Variants in PCDHGA1 observed in about 807,000 individuals in gnomAD.
PCDHGA1 encodes protocadherin gamma subfamily A, 1, also known as protocadherin gamma-A1.
A neutral mutation model predicts 58.0 loss-of-function variants in PCDHGA1; 32 were observed. The observed-to-expected ratio is 0.55, with a 90% confidence interval of 0.42 to 0.74. The LOEUF (loss-of-function observed/expected upper bound fraction) is 0.74, where lower values mean the gene tolerates loss of function less well. PCDHGA1 is among the 30% of genes least tolerant of loss of function. The pLI is 0.00. For missense variants in PCDHGA1, 1,205 were observed against 1,182.3 expected (o/e 1.02, Z -0.28); for synonymous variants, 498 against 501.1 (o/e 0.99, Z 0.08).
In PCDHGA1 at chr5:141,383,284, A is replaced by G. The variant is rs760384498; in HGVS notation, c.2421+50179A>G. ...CGTGGAAATAATAGATATTAATGAC[A>G]ACGTTCCAAGATTCTTGACGGAAGA... On this transcript the variant is annotated intron_variant, in intron 1 of 3. Transcript: ENST00000517417. 4 of 1,613,962 alleles carry G rather than the reference A, an allele frequency of 2.5e-6. No homozygotes were observed. In the East Asian group the frequency reaches 8.9e-5, roughly 36 times the overall value.
At chr5:141,403,281 T>A in intron 1 of PCDHGA1, 1 of 1,613,908 alleles carries the variant, frequency 6.2e-7, no homozygotes, top group Non-Finnish European at 8.5e-7. Context: ...AAAGTCCTGG[T>A]TGAAGACAGA....
At chr5:141,374,626 C>A (rs748933501) in intron 1 of PCDHGA1, 10 of 1,613,108 alleles carry the variant, frequency 6.2e-6, no homozygotes, top group Non-Finnish European at 7.6e-6. Context: ...TCTCAGTGGA[C>A]GTGCAAAGCG....
In PCDHGA1 at chr5:141,351,516, T is replaced by C. The variant is rs749136987; in HGVS notation, c.2421+18411T>C. On this transcript the variant is annotated intron_variant, in intron 1 of 3. Transcript: ENST00000517417. ...ACAGCAGACTACAACGTCACAATCA[T>C]AGCCACCGACAAGGGCAAACCAGCC... 8.7e-6 allele frequency: 14 copies of C among 1,613,854 alleles called. No individual in the cohort carries two copies. In the Admixed American group the frequency reaches 2.3e-4, roughly 27 times the overall value.
Position 141,330,826 on chromosome 5 carries a change from A to T in PCDHGA1, c.142A>T (p.Ile48Phe), listed in dbSNP as rs748045296. ...ETDKGSFVGNIAKDLGLQPQE... is the reference protein window; with the variant it reads ...ETDKGSFVGNFAKDLGLQPQE... ...AGACAAAGGTTCCTTCGTAGGCAACATCGCCAAGGACCTAGGGCTGCAACC... is the reference window on the plus strand; with the variant it reads ...AGACAAAGGTTCCTTCGTAGGCAACTTCGCCAAGGACCTAGGGCTGCAACC... The change falls in exon 1 of 4, where the codon ATC becomes TTC. Residue 48 changes from isoleucine (I) to phenylalanine (F), a missense_variant. By Grantham distance (21) the Ile-to-Phe change is conservative. Coordinates refer to ENST00000517417, the MANE Select transcript of PCDHGA1 (RefSeq NM_018912.3). The T allele has an allele frequency of 6.2e-7, 1 of 1,614,094 alleles. No homozygotes were observed. The highest frequency in any genetic ancestry group is 1.3e-5 in the African/African-American group (1 of 74,930).
chr5:141,458,463 C>T (rs749353395), intron 1 of PCDHGA1, among the ~76,000 whole-genome samples: 15 of 151,844 alleles, frequency 9.9e-5, no homozygotes, highest in Admixed American at 8.5e-4. Flanking sequence ...TTTAAAATAC[C>T]GTACAACTGC....
chr5:141,462,372 C>A (rs2099038225), intron 1 of PCDHGA1, among the ~76,000 whole-genome samples: 1 of 152,096 alleles, frequency 6.6e-6, no homozygotes, highest in African/African-American at 2.4e-5. Flanking sequence ...AGTTTCTATT[C>A]TTTTAAATTC....
chr5:141,333,490 T>G, intron 1 of PCDHGA1: 1 of 315,526 alleles, frequency 3.2e-6, no homozygotes, highest in Non-Finnish European at 5.7e-6. Flanking sequence ...TTTCAAATTT[T>G]CTTTTTATAA....
intron 1 of PCDHGA1, chr5:141,342,442 T>A (rs1757162302): frequency 6.6e-6 from 1 of 152,214 alleles, no homozygotes. Context: ...TGGCATCATT[T>A]TTTATTTTTA....
At chr5:141,427,777 C>A in intron 1 of PCDHGA1, 1 of 1,432,382 alleles carries the variant, frequency 7.0e-7, no homozygotes, top group Non-Finnish European at 9.7e-7. Flanking sequence ...GAGCTGCGGG[C>A]ACTGTCGTCC....
chr5:141,344,106 G>A lies in PCDHGA1; in HGVS notation c.2421+11001G>A, dbSNP rs778709344. 3.3e-5 allele frequency: 54 copies of A among 1,613,840 alleles called. No homozygotes were observed. The East Asian group carries it at 1.1e-3, about 33-fold the overall frequency. On this transcript the variant is annotated intron_variant, in intron 1 of 3. Coordinates refer to ENST00000517417, the MANE Select transcript of PCDHGA1 (RefSeq NM_018912.3). ...GTGCGCGCTCCTGGGGACGCTGTGC[G>A]AAACAGGATCCGGTCAGATCCGCTA...
chr5:141,367,301 G>C (rs1765044425), intron 1 of PCDHGA1: 1 of 152,822 alleles, frequency 6.5e-6, no homozygotes, highest in African/African-American at 2.4e-5. Flanking sequence ...CACTTTGGGA[G>C]GCTGAGGTGG....
In PCDHGA1 at chr5:141,472,879, G is replaced by A. The variant is rs541980402; in HGVS notation, c.2422-21928G>A. Among the ~76,000 whole-genome samples the A allele has an allele frequency of 3.3e-5, 5 of 151,694 alleles. No homozygotes were observed. The South Asian group carries it at 6.2e-4, about 19-fold the overall frequency. ...CACATGCCTGTATTCCCAGCTACTC[G>A]GGAGGCTGAGGCAGGAGAATTGCTT... On this transcript the variant is annotated intron_variant, in intron 1 of 3. Coordinates refer to ENST00000517417, the MANE Select transcript of PCDHGA1 (RefSeq NM_018912.3).
At chr5:141,383,396 C>T (rs749879106) in intron 1 of PCDHGA1, 64 of 1,613,910 alleles carry the variant, frequency 4.0e-5, no homozygotes, top group Non-Finnish European at 5.3e-5. Flanking sequence ...GGCACGAACT[C>T]CCTCCAGAGT....
chr5:141,402,100 A>G (rs1589449876), intron 1 of PCDHGA1, among the ~76,000 whole-genome samples: 1 of 152,220 alleles, frequency 6.6e-6, no homozygotes, highest in South Asian at 2.1e-4. Flanking sequence ...AGTTTAAGCA[A>G]TTACAAAAAT....
At chr5:141,464,746 T>G (rs1317670068) in intron 1 of PCDHGA1, among the ~76,000 whole-genome samples, 1 of 152,220 alleles carries the variant, frequency 6.6e-6, no homozygotes, top group Non-Finnish European at 1.5e-5. Context: ...TATATCTTTT[T>G]GTTTTTTTAG....
chr5:141,474,188 T>C (rs1203777014), intron 1 of PCDHGA1, among the ~76,000 whole-genome samples: 1 of 152,216 alleles, frequency 6.6e-6, no homozygotes, highest in Non-Finnish European at 1.5e-5. Context: ...CTACTTACAT[T>C]TTTAAAAGCT....
At position 141,487,547 on chromosome 5, in the gene PCDHGA1, A is replaced by G. The variant is rs2099649592; in HGVS notation, c.2422-7260A>G. On this transcript the variant is annotated intron_variant, in intron 1 of 3. Coordinates refer to ENST00000517417, the MANE Select transcript of PCDHGA1 (RefSeq NM_018912.3). The surrounding 1 kb of genome is among the most constrained non-coding windows in gnomAD (Gnocchi z 5.0). ...TAGCTTCATGATGGTGAAGTCACCC[A>G]GTGCACCTATGGCAGGGGAGCCTGT... 2 of 1,614,216 alleles carry G rather than the reference A, an allele frequency of 1.2e-6. No individual in the cohort carries two copies. Among genetic ancestry groups the G allele is most frequent in the Non-Finnish European group, 8.5e-7 (1 of 1,180,046 alleles).
At chr5:141,387,441 T>G (rs2150335837) in intron 1 of PCDHGA1, among the ~76,000 whole-genome samples, 1 of 152,370 alleles carries the variant, frequency 6.6e-6, no homozygotes, top group South Asian at 2.1e-4. Flanking sequence ...ATGTACTTAA[T>G]CTACATGATT....
chr5:141,362,255 T>C, intron 1 of PCDHGA1: 5 of 1,614,020 alleles, frequency 3.1e-6, no homozygotes, highest in Non-Finnish European at 4.2e-6. Flanking sequence ...TTCCTCGCGG[T>C]GATTCTGGCA....
Sources: gnomAD v4.1 joint callset for allele counts (sites outside exome capture counted in the v4.1 genomes callset) on GRCh38, gnomAD v4.1.1 for gene constraint, Gnocchi (gnomAD v3.1) non-coding constraint, MANE v1.5 for transcripts, NCBI Gene and HGNC (gene_info 2026-07-23, HGNC 2026-07-21) for gene names.